The following MYO5B variants were observed in gnomAD, a reference collection of about 807,000 sequenced individuals.
The protein encoded by MYO5B is myosin VB, also known as unconventional myosin-Vb.
In MYO5B, 143 loss-of-function variants were observed where a neutral mutation model predicts 229.3. The ratio of observed to expected loss-of-function variants is 0.62; its 90% CI spans 0.54 to 0.72. The LOEUF is 0.72. Ranked by LOEUF, MYO5B falls within the 30% of genes least tolerant of loss-of-function variation. The probability of loss-of-function intolerance (pLI) is 0.00; values close to 1 mark genes in which losing one functional copy is unlikely to be tolerated. For synonymous variants in MYO5B, 918 were observed against 885.2 expected, an observed-to-expected ratio of 1.04 and a Z score of -0.66; for missense variants, 2,321 against 2,331.0, an observed-to-expected ratio of 1.00 and a Z score of 0.09.
chr18:49,886,648 T>C (rs2024645376), intron 22 of MYO5B, among the ~76,000 whole-genome samples: 1 of 148,996 alleles, frequency 6.7e-6, no homozygotes, highest in Admixed American at 6.7e-5. Flanking sequence ...CCAAATAACA[T>C]TTATTGCCTA....
Position 49,980,570 on chromosome 18 carries a change from A to G in MYO5B, c.947-17T>C, listed in dbSNP as rs1374396753. On this transcript the variant is annotated splice_polypyrimidine_tract_variant and intron_variant, in intron 8 of 39. Transcript: ENST00000285039. ...CTTTCACTCCTGGAAAAGAAAAATG[A>G]ATGGATGACACTCAGTATCCATGGT... The G allele has an allele frequency of 5.9e-6, 9 of 1,517,316 alleles. No individual in the cohort carries two copies. The highest frequency in any genetic ancestry group is 5.5e-6 in the Non-Finnish European group (6 of 1,091,910). 94.0% of individuals were successfully genotyped at this position (1,517,316 alleles called of 1,614,324 possible).
chr18:50,051,089 A>G (rs2030379356), intron 2 of MYO5B, among the ~76,000 whole-genome samples: 1 of 152,228 alleles, frequency 6.6e-6, no homozygotes, highest in African/African-American at 2.4e-5. Context: ...GATTCCACAT[A>G]TTGGCAGCTG....
chr18:49,867,672 C>T (rs553213284), intron 27 of MYO5B, among the ~76,000 whole-genome samples: 2 of 152,250 alleles, frequency 1.3e-5, no homozygotes, highest in East Asian at 1.9e-4. Context: ...ATATTTCACA[C>T]GGGATGAGCG....
chr18:49,835,708 G>A (rs1261210651), intron 38 of MYO5B, among the ~76,000 whole-genome samples: 1 of 152,186 alleles, frequency 6.6e-6, no homozygotes, highest in African/African-American at 2.4e-5. Flanking sequence ...GAGGAGTTTA[G>A]AATGCAGTTG....
intron 13 of MYO5B, among the ~76,000 whole-genome samples, chr18:49,953,807 A>G (rs1042910904): frequency 1.3e-5 from 2 of 152,020 alleles, no homozygotes; most frequent in Non-Finnish European, 2.9e-5. Context: ...AAGCCAAACC[A>G]TTTGGTACTT....
intron 7 of MYO5B, 25 bp downstream of exon 7, chr18:49,990,414 G>A (rs145097999): frequency 1.3e-6 from 2 of 1,597,864 alleles, no homozygotes; most frequent in South Asian, 1.1e-5. Flanking sequence ...CACCCCAGAG[G>A]ATAGGCATGC....
intron 5 of MYO5B, among the ~76,000 whole-genome samples, chr18:49,997,244 G>C (rs1446629111): frequency 7.1e-6 from 1 of 140,520 alleles, no homozygotes; most frequent in African/African-American, 2.7e-5. Context: ...TTCCGCCTGG[G>C]TGACAAAGCA....
chr18:49,893,343 C>A (rs2024738028), intron 22 of MYO5B, among the ~76,000 whole-genome samples: 1 of 152,200 alleles, frequency 6.6e-6, no homozygotes, highest in Non-Finnish European at 1.5e-5. Flanking sequence ...TATTCTTGAT[C>A]CTTTCTGGCT....
At chr18:50,152,342 C>A (rs1439755333) in intron 1 of MYO5B, among the ~76,000 whole-genome samples, 1 of 152,218 alleles carries the variant, frequency 6.6e-6, no homozygotes, top group Non-Finnish European at 1.5e-5. Flanking sequence ...TGAATGAAAT[C>A]TGAGCAGGAT....
intron 4 of MYO5B, among the ~76,000 whole-genome samples, chr18:50,015,502 T>C (rs8097242): frequency 0.016 from 2,444 of 152,366 alleles, 57 homozygotes; most frequent in African/African-American, 0.051. Flanking sequence ...TTAACATTTG[T>C]AAAATCCCAA....
intron 1 of MYO5B, among the ~76,000 whole-genome samples, chr18:50,067,840 T>A (rs1423924800): frequency 6.6e-6 from 1 of 152,130 alleles, no homozygotes; most frequent in Non-Finnish European, 1.5e-5. Flanking sequence ...CTACCCAGCC[T>A]CAGGTATTCC....
chr18:50,002,522 G>T (rs1178128396), intron 4 of MYO5B, among the ~76,000 whole-genome samples: 1 of 152,156 alleles, frequency 6.6e-6, no homozygotes, highest in African/African-American at 2.4e-5. Context: ...AAGAGACTCA[G>T]GTTCTAAACC....
Position 49,971,207 on chromosome 18 carries a change from A to C in MYO5B, c.1322+3143T>G, listed in dbSNP as rs1281360487. Among the ~76,000 whole-genome samples the C allele has an allele frequency of 2.6e-5, 4 of 152,358 alleles. No homozygotes were observed. In the East Asian group the frequency reaches 7.7e-4, roughly 29 times the overall value. On this transcript the variant is annotated intron_variant, in intron 10 of 39. Coordinates refer to ENST00000285039, the MANE Select transcript of MYO5B (RefSeq NM_001080467.3). The stretch of plus-strand genomic sequence containing the variant: ...ATCACTTCCCATAGTCATGAATAGA[A>C]TAAAGCCTAATGACTGGAATGAGTT...
At chr18:49,864,053 C>A (rs1005794059) in intron 28 of MYO5B, 88 bp downstream of exon 28, 2 of 1,573,204 alleles carry the variant, frequency 1.3e-6, no homozygotes, top group African/African-American at 1.3e-5. Flanking sequence ...GGTTTTAGAC[C>A]CTCGTGGGTA....
Position 49,975,428 on chromosome 18 carries a change from G to A in MYO5B, c.1057-813C>T, listed in dbSNP as rs549569457. ...GATGTGCTGGGTGAGAGGCTGAAAC[G>A]CAATAGACGATGTCACTCCCAGCAC... On this transcript the variant is annotated intron_variant, in intron 9 of 39. Transcript: ENST00000285039. 9.2e-5 allele frequency among the ~76,000 whole-genome samples: 14 copies of A among 152,238 alleles called. No individual in the cohort carries two copies. In the East Asian group the frequency reaches 1.2e-3, roughly 13 times the overall value.
intron 7 of MYO5B, 115 bp downstream of exon 7, chr18:49,990,324 A>C: frequency 1.2e-6 from 1 of 847,986 alleles, no homozygotes; most frequent in Non-Finnish European, 2.0e-6. Flanking sequence ...TGGCCACATA[A>C]GAGGCAGAGC....
chr18:49,887,564 A>C (rs1242908874), intron 22 of MYO5B, among the ~76,000 whole-genome samples: 1 of 152,262 alleles, frequency 6.6e-6, no homozygotes, highest in Middle Eastern at 3.4e-3. Context: ...AACTTTTGCC[A>C]TGGCTGGAAG....
chr18:50,085,002 G>A (rs1419251723), intron 1 of MYO5B, among the ~76,000 whole-genome samples: 1 of 152,080 alleles, frequency 6.6e-6, no homozygotes, highest in East Asian at 1.9e-4. Context: ...ACATAGGCAC[G>A]GGCAAGGACT....
chr18:50,013,835 G>T (rs2026187988), intron 4 of MYO5B, among the ~76,000 whole-genome samples: 1 of 152,212 alleles, frequency 6.6e-6, no homozygotes, highest in African/African-American at 2.4e-5. Flanking sequence ...GAGCCAAAGA[G>T]ATTTATCCAA....
Sources: allele counts gnomAD v4.1 joint callset (sites outside exome capture counted in the v4.1 genomes callset), GRCh38; gene constraint gnomAD v4.1.1; transcripts MANE v1.5; gene names NCBI Gene and HGNC (gene_info 2026-07-23, HGNC 2026-07-21).